Variants in LIMD1 observed in about 807,000 individuals in gnomAD.
The protein encoded by LIMD1 is LIM domain containing 1.
LIMD1 carries 23 observed loss-of-function variants against 58.4 expected under a neutral mutation model. The observed-to-expected ratio is 0.39, with a 90% CI of 0.28 to 0.56. The LOEUF (loss-of-function observed/expected upper bound fraction) is 0.56. LIMD1 is among the 20% of genes least tolerant of loss of function. The probability of loss-of-function intolerance (pLI) is 0.57; values close to 1 mark genes in which losing one functional copy is unlikely to be tolerated. For missense variants in LIMD1, 838 were observed against 855.5 expected (o/e 0.98, Z 0.25); for synonymous variants, 334 against 345.5 (o/e 0.97, Z 0.37).
intron 2 of LIMD1, among the ~76,000 whole-genome samples, chr3:45,650,576 G>T (rs1701958091): frequency 6.7e-6 from 1 of 148,444 alleles, no homozygotes; most frequent in Admixed American, 6.9e-5. Flanking sequence ...TTATGAGTGA[G>T]AACATGCGGT....
At chr3:45,613,666 G>GT (rs983853475) in intron 1 of LIMD1, among the ~76,000 whole-genome samples, 1 of 109,482 alleles carries the variant, frequency 9.1e-6, no homozygotes, top group Admixed American at 9.5e-5. Context: ...TTTTTTGTTT[G>GT]TTTTTTTCTT....
chr3:45,594,933 G>A lies in LIMD1; in HGVS notation c.54G>A (p.Leu18=). 6.2e-7 allele frequency: 1 copy of A among 1,613,484 alleles called. No homozygotes were observed. The highest frequency in any genetic ancestry group is 8.5e-7 in the Non-Finnish European group (1 of 1,179,994). Residue 18 remains leucine, a synonymous_variant, in exon 1 of 8, where the codon CTG becomes CTA. Coordinates refer to ENST00000273317, the MANE Select transcript of LIMD1 (RefSeq NM_014240.3). ...AGGCCAGTAAATTCATCGAGGACCT[G>A]AACATGTATGAGGCCTCTAAGGATG... ...GLEASKFIED[L]NMYEASKDGL... is the part of the protein sequence containing the mutation.
At chr3:45,664,150 C>G (rs1697481563) in intron 2 of LIMD1, among the ~76,000 whole-genome samples, 2 of 152,056 alleles carry the variant, frequency 1.3e-5, no homozygotes. Context: ...GCACTACAGG[C>G]TTGAGCCACT....
chr3:45,601,769 C>A (rs185285403), intron 1 of LIMD1, among the ~76,000 whole-genome samples: 22 of 152,222 alleles, frequency 1.4e-4, no homozygotes, highest in Admixed American at 1.2e-3. Context: ...CCATACCAGT[C>A]GGGATTTTGC....
chr3:45,616,255 A>G (rs1466339587), intron 1 of LIMD1, among the ~76,000 whole-genome samples: 34 of 152,094 alleles, frequency 2.2e-4, no homozygotes, highest in Admixed American at 2.2e-3. Flanking sequence ...AGCTGCCCCC[A>G]ACAGGGATCT....
At chr3:45,622,199 C>T (rs1199342621) in intron 1 of LIMD1, among the ~76,000 whole-genome samples, 9 of 152,164 alleles carry the variant, frequency 5.9e-5, no homozygotes, top group African/African-American at 1.7e-4. Flanking sequence ...GCTGTCACTC[C>T]CTGCTCCGCT....
intron 1 of LIMD1, among the ~76,000 whole-genome samples, chr3:45,607,912 C>T (rs1223910130): frequency 1.3e-5 from 2 of 152,226 alleles, no homozygotes; most frequent in African/African-American, 4.8e-5. Context: ...GCCACGTTTG[C>T]TCGCGTGATG....
rs768486359 is a variant in LIMD1 at position 45,683,886 on chromosome 3, G to A, written c.*6827G>A. On this transcript the variant is annotated 3_prime_UTR_variant, in exon 8 of 8. Transcript: ENST00000273317. ...CCTGGACACCCTCCACCGGTAACAG[G>A]AGGAGCATTAGTCAGCCTACCACAG... is the stretch of plus-strand genomic sequence containing the variant. The A allele has an allele frequency of 2.0e-5, 3 of 152,204 alleles. No homozygotes were observed. The highest frequency in any genetic ancestry group is 4.4e-5 in the Non-Finnish European group (3 of 68,028). The allele number at this position is 152,204 out of a possible 1,614,324, so 9.4% of individuals were successfully genotyped here. A position where few individuals can be genotyped will look rare whatever the true frequency, so the allele number is the denominator to read the frequency against.
At chr3:45,608,804 C>T (rs1701492811) in intron 1 of LIMD1, among the ~76,000 whole-genome samples, 1 of 136,946 alleles carries the variant, frequency 7.3e-6, no homozygotes, top group Non-Finnish European at 1.5e-5. Flanking sequence ...TGTGTCATTG[C>T]ACTCCAGCCT....
intron 1 of LIMD1, among the ~76,000 whole-genome samples, chr3:45,597,401 A>C (rs1359057029): frequency 6.6e-6 from 1 of 152,194 alleles, no homozygotes; most frequent in East Asian, 1.9e-4. Context: ...GCCGTGGCAC[A>C]AACTATGATG....
chr3:45,646,244 C>T (rs557484094), intron 2 of LIMD1, among the ~76,000 whole-genome samples: 4 of 152,344 alleles, frequency 2.6e-5, no homozygotes, highest in African/African-American at 9.6e-5. Context: ...TGTGTATACA[C>T]TTGCCACCAT....
At chr3:45,648,743 C>T (rs943404525) in intron 2 of LIMD1, among the ~76,000 whole-genome samples, 13 of 151,988 alleles carry the variant, frequency 8.6e-5, no homozygotes, top group African/African-American at 3.1e-4. Flanking sequence ...TTAGGCTTAT[C>T]TAGTTTTTTT....
intron 1 of LIMD1, among the ~76,000 whole-genome samples, chr3:45,615,694 T>A (rs902549090): frequency 6.6e-6 from 1 of 151,838 alleles, no homozygotes; most frequent in Non-Finnish European, 1.5e-5. Flanking sequence ...AAGTTGAGGC[T>A]GCAGTGATCC....
chr3:45,617,299 G>A (rs1244669299), intron 1 of LIMD1, among the ~76,000 whole-genome samples: 2 of 151,930 alleles, frequency 1.3e-5, no homozygotes, highest in Non-Finnish European at 1.5e-5. Context: ...TACTCACCTC[G>A]GCCTCCCAAA....
intron 1 of LIMD1, among the ~76,000 whole-genome samples, chr3:45,613,620 C>T (rs1478621024): frequency 1.6e-5 from 2 of 124,022 alleles, no homozygotes; most frequent in South Asian, 2.7e-4. Flanking sequence ...ATGAATAAGT[C>T]TGTTAGGATT....
chr3:45,674,368 T>C lies in LIMD1; in HGVS notation c.1850T>C (p.Val617Ala). Reference sequence around the variant, plus strand: ...GGCTCAGATGAGACCATCCGTGTCGTGTCCATGGACAGAGACTACCACGTG... The same window carrying C: ...GGCTCAGATGAGACCATCCGTGTCGCGTCCATGGACAGAGACTACCACGTG... ...PEGSDETIRV[V>A]SMDRDYHVEC... The change falls in exon 7 of 8, where the codon GTG (valine) becomes GCG (alanine). Residue 617 changes from valine to alanine, a missense_variant. Around this residue, in one of 3 missense-constraint regions of LIMD1, gnomAD observed 174 missense variants for 197.4 expected, o/e 0.88. Transcript: ENST00000273317. The C allele has an allele frequency of 6.2e-7, 1 of 1,614,098 alleles. No homozygotes were observed. The highest frequency in any genetic ancestry group is 8.5e-7 in the Non-Finnish European group (1 of 1,179,978).
rs754901188 is a variant in LIMD1 at position 45,595,426 on chromosome 3, C to T, written c.547C>T (p.Leu183Phe). ...CACTCATGGAGACTATTATGACAACCTCTCCTTGGCAAGCCCAAAGTGGGG... is the reference window on the plus strand; with the variant it reads ...CACTCATGGAGACTATTATGACAACTTCTCCTTGGCAAGCCCAAAGTGGGG... ...CLTHGDYYDN[L>F]SLASPKWGDK... The change falls in exon 1 of 8, where the codon CTC becomes TTC. Residue 183 changes from leucine (L) to phenylalanine (F), a missense_variant. Leu to Phe is a conservative substitution (Grantham distance 22, BLOSUM62 0). Around this residue, in one of 3 missense-constraint regions of LIMD1, gnomAD observed 659 missense variants for 639.8 expected, o/e 1.03. Transcript: ENST00000273317. The T allele has an allele frequency of 1.1e-5, 17 of 1,613,940 alleles. No homozygotes were observed. The East Asian group carries it at 3.6e-4, about 34-fold the overall frequency.
At chr3:45,598,701 G>T (rs1177984583) in intron 1 of LIMD1, among the ~76,000 whole-genome samples, 1 of 152,212 alleles carries the variant, frequency 6.6e-6, no homozygotes, top group Non-Finnish European at 1.5e-5. Flanking sequence ...TGGGGCTGGG[G>T]GTGGCAGAGA....
intron 1 of LIMD1, among the ~76,000 whole-genome samples, chr3:45,635,732 CAAAAAA>C (rs71095045): frequency 0.1 from 7,540 of 73,162 alleles, 164 homozygotes; most frequent in Middle Eastern, 0.13. Flanking sequence ...ATCCCCGTCT[CAAAAAA>C]AAAAAAAAAA....
Sources: gnomAD v4.1 joint callset for allele counts (sites outside exome capture counted in the v4.1 genomes callset) on GRCh38, gnomAD v4.1.1 for gene constraint, gnomAD v4.1.1 regional missense constraint, MANE v1.5 for transcripts, NCBI Gene and HGNC (gene_info 2026-07-23, HGNC 2026-07-21) for gene names.